YES1: variants seen among roughly 807,000 people sequenced by gnomAD.
YES1 encodes the protein YES proto-oncogene 1, Src family tyrosine kinase.
A neutral mutation model predicts 70.4 loss-of-function variants in YES1; 39 were observed. The ratio of observed to expected loss-of-function variants is 0.55; its 90% CI spans 0.43 to 0.72. The LOEUF (loss-of-function observed/expected upper bound fraction) is 0.72, where lower values mean the gene tolerates loss of function less well. Among genes scored for constraint, YES1 ranks in the 30% least tolerant of loss-of-function variants. The pLI is 0.00. For missense variants in YES1, 495 were observed against 644.8 expected, an observed-to-expected ratio of 0.77 and a Z score of 2.52; for synonymous variants, 198 against 218.6, an observed-to-expected ratio of 0.91 and a Z score of 0.83.
At chr18:727,857 C>T (rs964935207) in intron 11 of YES1, among the ~76,000 whole-genome samples, 2 of 152,124 alleles carry the variant, frequency 1.3e-5, no homozygotes, top group African/African-American at 4.8e-5. Flanking sequence ...TCCCTGGCTT[C>T]CATATCTGAG....
At chr18:738,115 T>C (rs1042524108) in intron 9 of YES1, 10 of 151,752 alleles carry the variant, frequency 6.6e-5, no homozygotes, top group Non-Finnish European at 1.5e-4. Flanking sequence ...CTCAGAAGCA[T>C]GAACTGGCGT....
chr18:763,519 A>T (rs1188125409), intron 1 of YES1, among the ~76,000 whole-genome samples: 1 of 151,750 alleles, frequency 6.6e-6, no homozygotes, highest in African/African-American at 2.4e-5. Flanking sequence ...TCATGGCAGA[A>T]CCCCGTCTCT....
In YES1 at chr18:723,671, C is replaced by T. The variant is rs923167261; in HGVS notation, c.*753G>A. On this transcript the variant is annotated 3_prime_UTR_variant, in exon 12 of 12. Transcript: ENST00000314574. ...TATATATTGCCTTAAAAAATCAATG[C>T]AACCTCATACAAGATTAACTCACTT... is the stretch of plus-strand genomic sequence containing the variant. 6.6e-6 allele frequency: 1 copy of T among 152,622 alleles called. No homozygotes were observed. The highest frequency in any genetic ancestry group is 1.5e-5 in the Non-Finnish European group (1 of 68,038). 9.5% of individuals were successfully genotyped at this position (152,622 alleles called of 1,614,324 possible).
At chr18:789,839 T>G (rs1785227) in intron 1 of YES1, among the ~76,000 whole-genome samples, 2 of 152,038 alleles carry the variant, frequency 1.3e-5, no homozygotes, top group African/African-American at 4.8e-5. Context: ...GCAGGCAGAT[T>G]GCCTGAGGTC....
chr18:811,461 A>G (rs9961702), intron 1 of YES1, among the ~76,000 whole-genome samples: 24 of 152,224 alleles, frequency 1.6e-4, no homozygotes, highest in African/African-American at 5.5e-4. Flanking sequence ...AGAAAAACAC[A>G]CTTTAAGACA....
chr18:808,631 G>A (rs533880560), intron 1 of YES1, among the ~76,000 whole-genome samples: 2 of 152,216 alleles, frequency 1.3e-5, no homozygotes, highest in South Asian at 2.1e-4. Context: ...ACAACAAAGC[G>A]TGCACCACAA....
chr18:802,563 T>C (rs1406588191), intron 1 of YES1, among the ~76,000 whole-genome samples: 1 of 146,214 alleles, frequency 6.8e-6, no homozygotes, highest in African/African-American at 2.5e-5. Flanking sequence ...AAAAAAAAAG[T>C]ATTAATTGAA....
rs1022276795 is a variant in YES1, at chr18:733,114, T to A, written c.1292-149A>T. 5.4e-5 allele frequency: 34 copies of A among 633,038 alleles called. No homozygotes were observed. In the East Asian group the frequency reaches 9.2e-4, roughly 17 times the overall value. 39.2% of individuals were successfully genotyped at this position (633,038 alleles called of 1,614,324 possible). A position where few individuals can be genotyped will look rare whatever the true frequency, so the allele number is the denominator to read the frequency against. ...TGTACAAGATACATGGGATAAAAAT[T>A]CTTTAATTTTTAAAATTCATATTGA... On this transcript the variant is annotated intron_variant, in intron 10 of 11. Coordinates refer to ENST00000314574, the MANE Select transcript of YES1 (RefSeq NM_005433.4).
At chr18:734,868 A>G (rs2080133752) in intron 10 of YES1, among the ~76,000 whole-genome samples, 1 of 152,068 alleles carries the variant, frequency 6.6e-6, no homozygotes, top group African/African-American at 2.4e-5. Flanking sequence ...CCCAAAGGAA[A>G]TGAAATCAGC....
chr18:737,893 A>G (rs2080171181), intron 9 of YES1, among the ~76,000 whole-genome samples: 1 of 151,944 alleles, frequency 6.6e-6, no homozygotes. Context: ...TAATGTTTGT[A>G]TTTTTTTGTA....
chr18:761,312 G>A (rs1904581677), intron 1 of YES1, among the ~76,000 whole-genome samples: 1 of 151,518 alleles, frequency 6.6e-6, no homozygotes, highest in East Asian at 1.9e-4. Context: ...AAAATTACCT[G>A]CATCCAAAGT....
At chr18:801,041 G>A (rs1209526665) in intron 1 of YES1, among the ~76,000 whole-genome samples, 2 of 152,236 alleles carry the variant, frequency 1.3e-5, no homozygotes, top group East Asian at 1.9e-4. Flanking sequence ...AGCTACTCAG[G>A]AGGCTGAGGC....
intron 1 of YES1, among the ~76,000 whole-genome samples, chr18:791,583 C>T (rs1040902881): frequency 6.6e-6 from 1 of 152,132 alleles, no homozygotes; most frequent in Non-Finnish European, 1.5e-5. Flanking sequence ...ATAATGTGAA[C>T]CACAAATACA....
At chr18:744,626 G>C (rs948126000) in intron 6 of YES1, among the ~76,000 whole-genome samples, 2 of 148,198 alleles carry the variant, frequency 1.3e-5, no homozygotes, top group African/African-American at 5.0e-5. Context: ...CTGACCTCAA[G>C]TGATCTGTCT....
chr18:759,860 TC>T (rs1288027988), intron 1 of YES1, among the ~76,000 whole-genome samples: 2 of 83,784 alleles, frequency 2.4e-5, no homozygotes, highest in Non-Finnish European at 4.7e-5. Context: ...CCTTCCCCCC[TC>T]CCCCCACCCC....
intron 10 of YES1, among the ~76,000 whole-genome samples, chr18:735,155 T>C (rs1361458079): frequency 1.2e-4 from 4 of 34,728 alleles, no homozygotes; most frequent in African/African-American, 5.1e-4. Context: ...AGACTGTGTC[T>C]CAAAGCAAAA....
chr18:803,014 G>C (rs1906904681), intron 1 of YES1, among the ~76,000 whole-genome samples: 4 of 152,106 alleles, frequency 2.6e-5, no homozygotes, highest in Admixed American at 2.6e-4. Flanking sequence ...GATCCCTTGA[G>C]CCTAGGGGGT....
intron 1 of YES1, among the ~76,000 whole-genome samples, chr18:762,363 T>C (rs1295436575): frequency 1.3e-5 from 2 of 152,136 alleles, no homozygotes; most frequent in Admixed American, 6.6e-5. Flanking sequence ...AAAACATTTA[T>C]ATGGAAACCT....
At chr18:730,469 C>T (rs956246992) in intron 11 of YES1, among the ~76,000 whole-genome samples, 5 of 151,930 alleles carry the variant, frequency 3.3e-5, no homozygotes, top group Non-Finnish European at 5.9e-5. Context: ...CTTAGCCTCC[C>T]AAAGTGCTGG....
Sources: allele counts gnomAD v4.1 joint callset (sites outside exome capture counted in the v4.1 genomes callset), GRCh38; gene constraint gnomAD v4.1.1; transcripts MANE v1.5; gene names NCBI Gene and HGNC (gene_info 2026-07-23, HGNC 2026-07-21).